Variants in SLC1A2 observed in about 807,000 individuals in gnomAD.
SLC1A2 encodes the protein excitatory amino acid transporter 2.
SLC1A2 carries 15 observed loss-of-function variants against 48.8 expected under a neutral mutation model. The ratio of observed to expected loss-of-function variants is 0.31; its 90% CI spans 0.21 to 0.47. SLC1A2 has a LOEUF of 0.47. Among genes scored for constraint, SLC1A2 ranks in the 20% least tolerant of loss-of-function variants. SLC1A2 has a pLI of 0.99. For missense variants in SLC1A2, 502 were observed against 730.5 expected (o/e 0.69, Z 3.61); for synonymous variants, 279 against 272.6 (o/e 1.02, Z -0.23).
intron 9 of SLC1A2, among the ~76,000 whole-genome samples, chr11:35,279,297 TG>T (rs1045585563): frequency 3.9e-5 from 6 of 152,234 alleles, no homozygotes; most frequent in African/African-American, 1.4e-4. Flanking sequence ...CCAACCCCCT[TG>T]TCGAAGACCA....
At chr11:35,349,609 T>A (rs535249140) in intron 1 of SLC1A2, among the ~76,000 whole-genome samples, 1 of 152,222 alleles carries the variant, frequency 6.6e-6, no homozygotes, top group Non-Finnish European at 1.5e-5. Flanking sequence ...CACCCAGGTA[T>A]CTGAGAAAGC....
intron 1 of SLC1A2, among the ~76,000 whole-genome samples, chr11:35,333,827 A>ATTTTT (rs373988431): frequency 2.4e-5 from 3 of 126,170 alleles, no homozygotes; most frequent in African/African-American, 6.0e-5. Context: ...ATGCCAGCTA[A>ATTTTT]TTTTTTTTTT....
At chr11:35,304,809 A>G (rs1851455492) in intron 5 of SLC1A2, among the ~76,000 whole-genome samples, 1 of 152,054 alleles carries the variant, frequency 6.6e-6, no homozygotes, top group South Asian at 2.1e-4. Flanking sequence ...TAAAAAATGA[A>G]TACTTTTTTT....
chr11:35,323,687 T>C (rs897704684), intron 1 of SLC1A2, among the ~76,000 whole-genome samples: 1 of 152,172 alleles, frequency 6.6e-6, no homozygotes, highest in Non-Finnish European at 1.5e-5. Context: ...GACAGCTCAG[T>C]AGCTATACCA....
intron 6 of SLC1A2, among the ~76,000 whole-genome samples, chr11:35,300,837 G>C (rs1338887222): frequency 6.6e-6 from 1 of 152,156 alleles, no homozygotes; most frequent in East Asian, 1.9e-4. Context: ...GTAATATAGT[G>C]AAATCCTCGT....
At chr11:35,406,699 T>G (rs139144655) in intron 1 of SLC1A2, among the ~76,000 whole-genome samples, 1,720 of 152,164 alleles carry the variant, frequency 0.011, 15 homozygotes, top group Non-Finnish European at 0.014. Flanking sequence ...CAGATAGAAT[T>G]TACTGAGATG....
rs749600272 is a variant in SLC1A2 at position 35,317,486 on chromosome 11, C to T, written c.48G>A (p.Val16=). Residue 16 remains valine (V), a synonymous_variant, in exon 2 of 11, where the codon GTG becomes GTA. Coordinates refer to ENST00000278379, the MANE Select transcript of SLC1A2 (RefSeq NM_004171.4). ...AGCCAAGATGACTGTCGTGCATTCG[C>T]ACTTCCACCTGCTTGGGCATATTGT... The part of the protein sequence containing the change: ...GANNMPKQVE[V]RMHDSHLGSE... 6.2e-7 allele frequency: 1 copy of T among 1,614,082 alleles called. No homozygotes were observed. Among genetic ancestry groups the T allele is most frequent in the East Asian group, 2.2e-5 (1 of 44,886 alleles).
intron 1 of SLC1A2, among the ~76,000 whole-genome samples, chr11:35,351,843 C>G (rs1195429426): frequency 6.6e-6 from 1 of 152,062 alleles, no homozygotes; most frequent in Non-Finnish European, 1.5e-5. Flanking sequence ...ACCATATTGG[C>G]CAGGCTGGTC....
chr11:35,334,404 C>T (rs1852542556), intron 1 of SLC1A2, among the ~76,000 whole-genome samples: 1 of 152,130 alleles, frequency 6.6e-6, no homozygotes, highest in African/African-American at 2.4e-5. Context: ...ATTTATTCAC[C>T]AGGCTACAAG....
At chr11:35,284,112 A>ATATATATAT (rs1355573961) in intron 8 of SLC1A2, among the ~76,000 whole-genome samples, 100 of 91,380 alleles carry the variant, frequency 1.1e-3, no homozygotes, top group Middle Eastern at 0.011. Flanking sequence ...TATATATATA[A>ATATATATAT]ATTATTATTT....
At chr11:35,261,049 C>T (rs1016152236) in intron 10 of SLC1A2, 84 bp from the exon 11 acceptor site, 9 of 928,208 alleles carry the variant, frequency 9.7e-6, no homozygotes, top group South Asian at 1.3e-5. Flanking sequence ...AGCACCAAAT[C>T]CAAGATTATA....
intron 1 of SLC1A2, among the ~76,000 whole-genome samples, chr11:35,353,762 T>C (rs1853352210): frequency 1.3e-5 from 2 of 152,208 alleles, no homozygotes; most frequent in African/African-American, 2.4e-5. Context: ...ATTTAATTAA[T>C]TGCATGTTAA....
chr11:35,349,682 C>G (rs1178248060), intron 1 of SLC1A2, among the ~76,000 whole-genome samples: 1 of 152,188 alleles, frequency 6.6e-6, no homozygotes, highest in African/African-American at 2.4e-5. Context: ...AAATCAGGTG[C>G]TTACTTCTCA....
At chr11:35,362,373 A>G (rs1440758444) in intron 1 of SLC1A2, among the ~76,000 whole-genome samples, 1 of 152,214 alleles carries the variant, frequency 6.6e-6, no homozygotes, top group Non-Finnish European at 1.5e-5. Flanking sequence ...GGTTCCTAAT[A>G]GCAGCCATAG....
intron 1 of SLC1A2, among the ~76,000 whole-genome samples, chr11:35,401,721 G>A (rs1855146557): frequency 6.6e-6 from 1 of 151,892 alleles, no homozygotes; most frequent in Non-Finnish European, 1.5e-5. Context: ...CTTTATCCAC[G>A]TACCTACTCA....
intron 6 of SLC1A2, among the ~76,000 whole-genome samples, 173 bp from the exon 7 acceptor site, chr11:35,292,693 A>C (rs115835686): frequency 2.6e-5 from 4 of 152,156 alleles, no homozygotes; most frequent in African/African-American, 4.8e-5. Flanking sequence ...CTTAACCAAA[A>C]TCTGTTTTGT....
intron 8 of SLC1A2, among the ~76,000 whole-genome samples, 180 bp from the exon 9 acceptor site, chr11:35,281,181 G>A (rs931909421): frequency 6.6e-6 from 1 of 152,014 alleles, no homozygotes; most frequent in Admixed American, 6.6e-5. Context: ...TAAGGATTAA[G>A]GCCTATTTGG....
chr11:35,308,814 A>G (rs1435820866), intron 4 of SLC1A2, among the ~76,000 whole-genome samples: 1 of 152,174 alleles, frequency 6.6e-6, no homozygotes, highest in Non-Finnish European at 1.5e-5. Context: ...ATCATGTCTC[A>G]TCATAAAACC....
At chr11:35,275,197 G>C (rs554274450) in intron 9 of SLC1A2, among the ~76,000 whole-genome samples, 1 of 152,318 alleles carries the variant, frequency 6.6e-6, no homozygotes, top group East Asian at 1.9e-4. Flanking sequence ...GAGGGTGGAG[G>C]CTCTTTGAGG....
Sources: allele counts gnomAD v4.1 joint callset (sites outside exome capture counted in the v4.1 genomes callset), GRCh38; gene constraint gnomAD v4.1.1; transcripts MANE v1.5; gene names NCBI Gene and HGNC (gene_info 2026-07-23, HGNC 2026-07-21).